Variants in DRC11 observed in about 807,000 individuals in gnomAD.
DRC11 encodes IQ and AAA domain-containing protein 1.
chr2:236,378,643 C>T, the DRC11 span, among the ~76,000 whole-genome samples: 1,464 of 151,584 alleles, frequency 9.7e-3, 12 homozygotes, highest in Non-Finnish European at 9.9e-3. Flanking sequence ...CAAGTTCTCT[C>T]CAGCCTGGGC....
the DRC11 span, among the ~76,000 whole-genome samples, chr2:236,392,815 G>A: frequency 6.6e-6 from 1 of 152,098 alleles, no homozygotes; most frequent in African/African-American, 2.4e-5. The surrounding 1 kb of genome is among the most constrained non-coding windows in gnomAD (Gnocchi z 5.1). Context: ...TTACAAAACA[G>A]ACAACACTAA....
At chr2:236,430,847 T>A in the DRC11 span, among the ~76,000 whole-genome samples, 1 of 152,198 alleles carries the variant, frequency 6.6e-6, no homozygotes. This position sits in a 1 kb window ranked among gnomAD's most constrained non-coding sequence, Gnocchi z 6.0. Flanking sequence ...GCCAGTTGCA[T>A]GGGTGGAAAA....
At chr2:236,443,153 T>C in the DRC11 span, among the ~76,000 whole-genome samples, 4 of 152,274 alleles carry the variant, frequency 2.6e-5, no homozygotes, top group South Asian at 4.1e-4. This position sits in a 1 kb window ranked among gnomAD's most constrained non-coding sequence, Gnocchi z 4.4. Flanking sequence ...CTCAAGAACA[T>C]TGTCAAATAA....
the DRC11 span, among the ~76,000 whole-genome samples, chr2:236,429,532 A>G: frequency 6.6e-6 from 1 of 152,166 alleles, no homozygotes; most frequent in Admixed American, 6.5e-5. The surrounding 1 kb of genome is among the most constrained non-coding windows in gnomAD (Gnocchi z 5.9). Flanking sequence ...GCCTGGCTAC[A>G]GGAGTCAGCC....
the DRC11 span, among the ~76,000 whole-genome samples, chr2:236,407,276 G>T: frequency 6.6e-5 from 10 of 152,174 alleles, no homozygotes; most frequent in Admixed American, 4.6e-4. Context: ...TGGTATCTGG[G>T]TTAATTTTTG....
the DRC11 span, among the ~76,000 whole-genome samples, chr2:236,447,553 A>G: frequency 5.4e-5 from 8 of 147,888 alleles, no homozygotes; most frequent in Admixed American, 1.3e-4. The surrounding 1 kb of genome is among the most constrained non-coding windows in gnomAD (Gnocchi z 4.6). Flanking sequence ...AGGCACCAGC[A>G]TTCACTTGTA....
At chr2:236,432,505 T>C in the DRC11 span, among the ~76,000 whole-genome samples, 1 of 152,208 alleles carries the variant, frequency 6.6e-6, no homozygotes, top group African/African-American at 2.4e-5. Flanking sequence ...TTGATCATCT[T>C]TTCATATGTT....
the DRC11 span, among the ~76,000 whole-genome samples, chr2:236,374,582 A>G: frequency 6.6e-6 from 1 of 152,234 alleles, no homozygotes; most frequent in Admixed American, 6.5e-5. Flanking sequence ...GAAACTTACA[A>G]TCATGACACA....
chr2:236,489,182 G>A, the DRC11 span, among the ~76,000 whole-genome samples: 1 of 146,672 alleles, frequency 6.8e-6, no homozygotes, highest in East Asian at 2.0e-4. Flanking sequence ...GTGGGCTCTG[G>A]GTGTATGCTG....
At chr2:236,463,039 G>A in the DRC11 span, among the ~76,000 whole-genome samples, 3 of 152,118 alleles carry the variant, frequency 2.0e-5, no homozygotes, top group African/African-American at 4.8e-5. This position sits in a 1 kb window ranked among gnomAD's most constrained non-coding sequence, Gnocchi z 5.0. Flanking sequence ...GTCTGAGAAC[G>A]ATGGTAGCAC....
the DRC11 span, among the ~76,000 whole-genome samples, chr2:236,473,090 A>T: frequency 6.6e-6 from 1 of 152,240 alleles, no homozygotes; most frequent in Non-Finnish European, 1.5e-5. This position sits in a 1 kb window ranked among gnomAD's most constrained non-coding sequence, Gnocchi z 4.8. Context: ...ATATTTTTTT[A>T]AATAAAAATA....
chr2:236,402,721 A>C, the DRC11 span, among the ~76,000 whole-genome samples: 2 of 152,202 alleles, frequency 1.3e-5, no homozygotes, highest in African/African-American at 4.8e-5. The surrounding 1 kb of genome is among the most constrained non-coding windows in gnomAD (Gnocchi z 6.0). Flanking sequence ...CTCTGGTAAG[A>C]AAGTCCCACC....
the DRC11 span, chr2:236,507,278 T>G: frequency 6.2e-7 from 1 of 1,613,986 alleles, no homozygotes; most frequent in East Asian, 2.2e-5. Flanking sequence ...TGCTGGCTAC[T>G]TTCCCTCTTT....
chr2:236,401,855 C>A, the DRC11 span, among the ~76,000 whole-genome samples: 1 of 152,138 alleles, frequency 6.6e-6, no homozygotes, highest in Non-Finnish European at 1.5e-5. The surrounding 1 kb of genome is among the most constrained non-coding windows in gnomAD (Gnocchi z 4.6). Flanking sequence ...TTCACTGCAT[C>A]CCTCGTGATT....
chr2:236,407,801 T>A, the DRC11 span: 3 of 252,700 alleles, frequency 1.2e-5, no homozygotes, highest in East Asian at 1.1e-4. Context: ...CAGTGGAAAA[T>A]AACTTTTAGT....
chr2:236,416,721 TTATATATA>T, the DRC11 span, among the ~76,000 whole-genome samples: 1,511 of 63,896 alleles, frequency 0.024, 15 homozygotes, highest in South Asian at 0.039. Context: ...ATATATATAT[TTATATATA>T]TATATATATA....
At chr2:236,439,863 T>G in the DRC11 span, among the ~76,000 whole-genome samples, 6 of 152,178 alleles carry the variant, frequency 3.9e-5, no homozygotes, top group Non-Finnish European at 1.5e-5. Flanking sequence ...ATTTAAAAAA[T>G]TAGAGACTAT....
chr2:236,321,079 A>G, the DRC11 span, among the ~76,000 whole-genome samples: 12 of 152,230 alleles, frequency 7.9e-5, no homozygotes, highest in Non-Finnish European at 1.6e-4. Flanking sequence ...CAGTCTGTCA[A>G]TAGCTACCCA....
At chr2:236,450,447 G>C in the DRC11 span, among the ~76,000 whole-genome samples, 1 of 150,732 alleles carries the variant, frequency 6.6e-6, no homozygotes, top group Non-Finnish European at 1.5e-5. Flanking sequence ...AGCCTCCCGA[G>C]TACCTGGGAC....
Sources: allele counts gnomAD v4.1 joint callset (sites outside exome capture counted in the v4.1 genomes callset), GRCh38; gene constraint gnomAD v4.1.1; non-coding constraint Gnocchi (gnomAD v3.1); transcripts MANE v1.5; gene names NCBI Gene and HGNC (gene_info 2026-07-23, HGNC 2026-07-21).